Variants in CDH20 observed in about 807,000 individuals in gnomAD.
CDH20 encodes the protein cadherin-20.
Under a neutral mutation model 74.2 loss-of-function variants are expected in CDH20, and 29 were observed. The observed-to-expected ratio is 0.39, with a 90% confidence interval of 0.29 to 0.53. The LOEUF (loss-of-function observed/expected upper bound fraction) is 0.53, where lower values mean the gene tolerates loss of function less well. Among genes scored for constraint, CDH20 ranks in the 20% least tolerant of loss-of-function variants. CDH20 has a pLI of 0.69. For synonymous variants in CDH20, 469 were observed against 405.4 expected, an observed-to-expected ratio of 1.16 and a Z score of -1.88; for missense variants, 988 against 1,048.3, an observed-to-expected ratio of 0.94 and a Z score of 0.79.
At chr18:61,503,300 T>A (rs1267829028) in intron 5 of CDH20, among the ~76,000 whole-genome samples, 180 bp downstream of exon 5, 1 of 152,226 alleles carries the variant, frequency 6.6e-6, no homozygotes, top group Non-Finnish European at 1.5e-5. Context: ...CAGCTTCCCA[T>A]AGTACTAAAC....
At chr18:61,501,560 A>C (rs1188487053) in intron 4 of CDH20, among the ~76,000 whole-genome samples, 1 of 152,178 alleles carries the variant, frequency 6.6e-6, no homozygotes, top group Non-Finnish European at 1.5e-5. Flanking sequence ...AATGGTGAAC[A>C]CTCAAAGTCA....
At position 61,490,442 on chromosome 18, in the gene CDH20, T is replaced by C; in HGVS notation, c.-112T>C. 1.9e-6 allele frequency: 2 copies of C among 1,065,142 alleles called. No individual in the cohort carries two copies. The highest frequency in any genetic ancestry group is 2.8e-6 in the Non-Finnish European group (2 of 721,386). The allele number at this position is 1,065,142 out of a possible 1,614,324, so 66.0% of individuals were successfully genotyped here. ...CAGATTGACTTGAAACGGGATCTCA[T>C]TTAGGAAGCATAAGTGTCCAATCAA... On this transcript the variant is annotated 5_prime_UTR_variant, in exon 2 of 12. Coordinates refer to ENST00000262717, the MANE Select transcript of CDH20 (RefSeq NM_031891.4).
chr18:61,513,152 G>A (rs941169479), intron 6 of CDH20, among the ~76,000 whole-genome samples: 1 of 147,748 alleles, frequency 6.8e-6, no homozygotes, highest in African/African-American at 2.5e-5. Flanking sequence ...CTCTTTGTAG[G>A]TCACTCAGGA....
At chr18:61,515,680 CA>C (rs1911975059) in intron 6 of CDH20, among the ~76,000 whole-genome samples, 1 of 146,920 alleles carries the variant, frequency 6.8e-6, no homozygotes, top group African/African-American at 2.5e-5. Context: ...ATCGCAAGAA[CA>C]AAAAACCAAA....
chr18:61,407,233 T>C (rs1437788445), intron 1 of CDH20, among the ~76,000 whole-genome samples: 5 of 152,130 alleles, frequency 3.3e-5, no homozygotes, highest in African/African-American at 7.2e-5. Flanking sequence ...AATGGGGAAA[T>C]AGGGGCACTA....
intron 1 of CDH20, among the ~76,000 whole-genome samples, chr18:61,464,419 G>A (rs1355580613): frequency 1.3e-5 from 2 of 151,596 alleles, no homozygotes; most frequent in African/African-American, 4.9e-5. Context: ...CTGTCCTCTC[G>A]GCCCATCACA....
intron 1 of CDH20, among the ~76,000 whole-genome samples, chr18:61,347,497 T>G (rs1024703): frequency 0.97 from 145,189 of 149,972 alleles, 70,462 homozygotes; most frequent in Middle Eastern, 1. Context: ...TCCAGCCGGG[T>G]TGATGGAGTG....
intron 6 of CDH20, among the ~76,000 whole-genome samples, chr18:61,519,257 A>G (rs1912108446): frequency 1.3e-5 from 2 of 151,362 alleles, no homozygotes; most frequent in South Asian, 2.1e-4. Context: ...ATTCAAATTC[A>G]GGAAATACAG....
chr18:61,351,639 AT>A (rs1182618003), intron 1 of CDH20, among the ~76,000 whole-genome samples: 2 of 146,716 alleles, frequency 1.4e-5, no homozygotes, highest in Non-Finnish European at 3.0e-5. Context: ...GCAAAGTCTA[AT>A]TAAAAAAAAA....
rs1036075432 is a variant in CDH20, at chr18:61,555,688, T to C, written c.*993T>C. On this transcript the variant is annotated 3_prime_UTR_variant, in exon 12 of 12. Transcript: ENST00000262717. Reference sequence around the variant, plus strand: ...GTAAGAAAATTACATGTACAAGTTTTGTATATTTGTTAATAATTTTGGTAA... The same window carrying C: ...GTAAGAAAATTACATGTACAAGTTTCGTATATTTGTTAATAATTTTGGTAA... 3.4e-5 allele frequency: 33 copies of C among 968,278 alleles called. No individual in the cohort carries two copies. Among genetic ancestry groups the C allele is most frequent in the Non-Finnish European group, 3.9e-5 (32 of 814,366 alleles). 60.0% of individuals were successfully genotyped at this position (968,278 alleles called of 1,614,324 possible). A position where few individuals can be genotyped will look rare whatever the true frequency, so the allele number is the denominator to read the frequency against.
At chr18:61,500,289 C>T in intron 3 of CDH20, 94 bp from the exon 4 acceptor site, 1 of 1,332,516 alleles carries the variant, frequency 7.5e-7, no homozygotes, top group Non-Finnish European at 1.0e-6. Context: ...ATGAAGCAAA[C>T]ACATTTGCAA....
intron 1 of CDH20, among the ~76,000 whole-genome samples, chr18:61,447,363 T>C (rs1037719994): frequency 6.6e-6 from 1 of 152,116 alleles, no homozygotes; most frequent in Non-Finnish European, 1.5e-5. Context: ...CTGGTTGGAG[T>C]TTATAATCCC....
intron 1 of CDH20, among the ~76,000 whole-genome samples, chr18:61,396,883 A>G (rs1182413161): frequency 6.6e-6 from 1 of 152,154 alleles, no homozygotes. Context: ...TGCTGAGGGC[A>G]TTTGCAATTT....
intron 9 of CDH20, among the ~76,000 whole-genome samples, chr18:61,542,691 T>G (rs1180423196): frequency 6.6e-6 from 1 of 152,160 alleles, no homozygotes; most frequent in Non-Finnish European, 1.5e-5. Context: ...AGAGGTTCAT[T>G]TGGCTCATGG....
At position 61,446,717 on chromosome 18, in the gene CDH20, T is replaced by A. The variant is rs554211476; in HGVS notation, c.-152-43685T>A. Among the ~76,000 whole-genome samples the A allele has an allele frequency of 3.3e-5, 5 of 152,340 alleles. No individual in the cohort carries two copies. The East Asian group carries it at 7.7e-4, about 24-fold the overall frequency. On this transcript the variant is annotated intron_variant, in intron 1 of 11. Transcript: ENST00000262717. ...CTCATTCTTTTTGTTTCTGGATCATTTGTTATAGCTGCTTCTCTGTCCTTC... is the reference window on the plus strand; with the variant it reads ...CTCATTCTTTTTGTTTCTGGATCATATGTTATAGCTGCTTCTCTGTCCTTC...
intron 1 of CDH20, among the ~76,000 whole-genome samples, chr18:61,360,715 G>T (rs552732208): frequency 1.3e-5 from 2 of 152,266 alleles, no homozygotes; most frequent in South Asian, 4.1e-4. Context: ...CAGGGAGAAG[G>T]AACAGTGCAT....
At chr18:61,531,238 G>A (rs1912627072) in intron 7 of CDH20, among the ~76,000 whole-genome samples, 1 of 152,222 alleles carries the variant, frequency 6.6e-6, no homozygotes, top group Admixed American at 6.5e-5. Flanking sequence ...GTGTCAGCCC[G>A]GCAATGCTGT....
At chr18:61,351,297 C>A (rs577916329) in intron 1 of CDH20, among the ~76,000 whole-genome samples, 1 of 152,152 alleles carries the variant, frequency 6.6e-6, no homozygotes, top group South Asian at 2.1e-4. Context: ...TTCACTCCCC[C>A]CATCCTCTGG....
chr18:61,492,925 C>T (rs1244166406), intron 2 of CDH20, among the ~76,000 whole-genome samples: 4 of 152,192 alleles, frequency 2.6e-5, no homozygotes, highest in African/African-American at 9.7e-5. Context: ...GAATGTCTCA[C>T]TGTGGAGTAA....
Sources: gnomAD v4.1 joint callset for allele counts (sites outside exome capture counted in the v4.1 genomes callset) on GRCh38, gnomAD v4.1.1 for gene constraint, MANE v1.5 for transcripts, NCBI Gene and HGNC (gene_info 2026-07-23, HGNC 2026-07-21) for gene names.